The following SGCD variants were observed in gnomAD, a reference collection of about 807,000 sequenced individuals.
SGCD encodes the protein sarcoglycan delta.
SGCD carries 18 observed loss-of-function variants against 36.6 expected under a neutral mutation model. The observed-to-expected ratio is 0.49, with a 90% CI of 0.34 to 0.73. The LOEUF is 0.73. Ranked by LOEUF, SGCD falls within the 30% of genes least tolerant of loss-of-function variation. The pLI, the probability that SGCD is intolerant of heterozygous loss-of-function variation, is 0.01. For missense variants in SGCD, 387 were observed against 346.7 expected (o/e 1.12, Z -0.92); for synonymous variants, 133 against 130.6 (o/e 1.02, Z -0.12).
intron 7 of SGCD, among the ~76,000 whole-genome samples, chr5:156,716,076 T>A (rs542234821): frequency 4.5e-4 from 69 of 152,240 alleles, no homozygotes; most frequent in Non-Finnish European, 7.4e-5. Context: ...ACTAGAAAAA[T>A]TTGCAAGACA....
chr5:155,788,131 C>G, the SGCD span, among the ~76,000 whole-genome samples: 1 of 152,068 alleles, frequency 6.6e-6, no homozygotes, highest in Non-Finnish European at 1.5e-5. Context: ...TGAAAAATAA[C>G]GAGCATTCTA....
At chr5:156,618,727 G>C (rs1276447670) in intron 6 of SGCD, among the ~76,000 whole-genome samples, 1 of 152,130 alleles carries the variant, frequency 6.6e-6, no homozygotes, top group African/African-American at 2.4e-5. Context: ...AGCTTGAGGG[G>C]TGAATTCCTG....
chr5:156,742,499 C>T (rs1385747177), intron 7 of SGCD, among the ~76,000 whole-genome samples: 2 of 129,330 alleles, frequency 1.5e-5, no homozygotes, highest in Non-Finnish European at 3.6e-5. Context: ...ATCCAAATCA[C>T]CATCTTCTTC....
intron 3 of SGCD, among the ~76,000 whole-genome samples, chr5:156,210,601 A>C (rs1300054087): frequency 6.6e-6 from 1 of 152,120 alleles, no homozygotes; most frequent in Non-Finnish European, 1.5e-5. Context: ...CTAGAAATTT[A>C]ACAGAGATTG....
intron 3 of SGCD, among the ~76,000 whole-genome samples, chr5:156,348,678 C>G (rs534269042): frequency 6.6e-6 from 1 of 152,100 alleles, no homozygotes; most frequent in South Asian, 2.1e-4. Context: ...CCATAGTGCC[C>G]AAAGCAATCT....
intron 3 of SGCD, among the ~76,000 whole-genome samples, chr5:156,216,940 A>G (rs1764590862): frequency 6.6e-6 from 1 of 152,088 alleles, no homozygotes; most frequent in Non-Finnish European, 1.5e-5. Context: ...TTAGGCAAGC[A>G]TGGTGGCTGG....
At chr5:156,563,868 TG>T (rs1382654084) in intron 4 of SGCD, among the ~76,000 whole-genome samples, 1 of 152,202 alleles carries the variant, frequency 6.6e-6, no homozygotes, top group Non-Finnish European at 1.5e-5. Flanking sequence ...TTTCCCCTTT[TG>T]GGGGGATCAG....
At chr5:156,622,244 C>A (rs917406754) in intron 6 of SGCD, among the ~76,000 whole-genome samples, 7 of 151,942 alleles carry the variant, frequency 4.6e-5, no homozygotes, top group African/African-American at 1.7e-4. Context: ...ACCAGCCTGA[C>A]CAACATGGTG....
the SGCD span, among the ~76,000 whole-genome samples, chr5:155,859,891 G>A: frequency 6.6e-6 from 1 of 152,184 alleles, no homozygotes; most frequent in Admixed American, 6.5e-5. Context: ...AAATCCAGGT[G>A]ATAGTCACAC....
At chr5:156,049,017 G>A (rs1308274197) in intron 1 of SGCD, among the ~76,000 whole-genome samples, 1 of 146,844 alleles carries the variant, frequency 6.8e-6, no homozygotes, top group African/African-American at 2.5e-5. Flanking sequence ...TGTAAGGAAG[G>A]GATCCAGTTT....
At chr5:156,216,472 G>C (rs1020828764) in intron 3 of SGCD, among the ~76,000 whole-genome samples, 1 of 152,094 alleles carries the variant, frequency 6.6e-6, no homozygotes, top group African/African-American at 2.4e-5. Flanking sequence ...GAATTTCCAA[G>C]TTTGAAATAA....
intron 1 of SGCD, among the ~76,000 whole-genome samples, chr5:155,935,675 A>T (rs1046322169): frequency 1.3e-5 from 2 of 152,216 alleles, no homozygotes; most frequent in African/African-American, 4.8e-5. Context: ...GGGAACGCTC[A>T]TGTGTCTAAT....
intron 1 of SGCD, among the ~76,000 whole-genome samples, chr5:156,018,902 C>T (rs1017858218): frequency 2.0e-5 from 3 of 152,056 alleles, no homozygotes; most frequent in African/African-American, 2.4e-5. Context: ...TAATTTTTCC[C>T]GGATTTTCAT....
rs958739364 is a variant in SGCD, at chr5:155,915,042, G to A, written c.-282+44618G>A. On this transcript the variant is annotated intron_variant, in intron 1 of 9. Transcript: ENST00000517913. ...ATATTGGGACCTTTGAGCATGTGGT[G>A]TAAACATTCAGGAGAAATAGAAGAT... Among the ~76,000 whole-genome samples the A allele has an allele frequency of 2.0e-5, 3 of 152,164 alleles. No homozygotes were observed. The East Asian group carries it at 5.8e-4, about 29-fold the overall frequency.
chr5:155,752,329 C>G, the SGCD span, among the ~76,000 whole-genome samples: 2 of 152,310 alleles, frequency 1.3e-5, no homozygotes, highest in Middle Eastern at 3.4e-3. Context: ...TGGTGTGGCT[C>G]CTGCTGCCAC....
intron 1 of SGCD, among the ~76,000 whole-genome samples, chr5:156,000,036 G>A (rs1322135067): frequency 2.6e-5 from 4 of 152,168 alleles, no homozygotes; most frequent in Non-Finnish European, 5.9e-5. Flanking sequence ...TGAAGCCTTT[G>A]CATTGTATTT....
chr5:156,209,146 C>T (rs577037367), intron 3 of SGCD, among the ~76,000 whole-genome samples: 1 of 152,244 alleles, frequency 6.6e-6, no homozygotes, highest in East Asian at 1.9e-4. Context: ...ATGAGCAAAG[C>T]CTGCAACCCA....
At chr5:156,526,483 G>A (rs1757646293) in intron 4 of SGCD, among the ~76,000 whole-genome samples, 1 of 152,166 alleles carries the variant, frequency 6.6e-6, no homozygotes, top group Admixed American at 6.6e-5. Context: ...TGGAACACGA[G>A]CATCTTGCTG....
chr5:156,438,736 T>A (rs1753361249), intron 3 of SGCD, among the ~76,000 whole-genome samples: 1 of 152,154 alleles, frequency 6.6e-6, no homozygotes, highest in Admixed American at 6.5e-5. Flanking sequence ...TTCAACATTT[T>A]TGAAAGTCTT....
Sources: allele counts gnomAD v4.1 joint callset (sites outside exome capture counted in the v4.1 genomes callset), GRCh38; gene constraint gnomAD v4.1.1; transcripts MANE v1.5; gene names NCBI Gene and HGNC (gene_info 2026-07-23, HGNC 2026-07-21).